MAP3K2: variants seen among roughly 807,000 people sequenced by gnomAD.
MAP3K2 encodes mitogen-activated protein kinase kinase kinase 2, also known as MAP/ERK kinase kinase 2.
A neutral mutation model predicts 80.3 loss-of-function variants in MAP3K2; 24 were observed. The ratio of observed to expected loss-of-function variants is 0.30; its 90% CI spans 0.22 to 0.42. MAP3K2 has a LOEUF of 0.42. Ranked by LOEUF, MAP3K2 falls within the 10% of genes least tolerant of loss-of-function variation. The pLI, the probability that MAP3K2 is intolerant of heterozygous loss-of-function variation, is 1.00. For synonymous variants in MAP3K2, 244 were observed against 253.7 expected (o/e 0.96, Z 0.36); for missense variants, 608 against 750.1 (o/e 0.81, Z 2.21).
intron 1 of MAP3K2, among the ~76,000 whole-genome samples, chr2:127,373,042 G>C (rs1383399291): frequency 6.6e-6 from 1 of 152,140 alleles, no homozygotes; most frequent in Non-Finnish European, 1.5e-5. Flanking sequence ...TAGCAGAAGA[G>C]GACAGAGAAG....
At chr2:127,369,557 A>G (rs779418961) in intron 1 of MAP3K2, among the ~76,000 whole-genome samples, 2 of 151,818 alleles carry the variant, frequency 1.3e-5, no homozygotes, top group African/African-American at 2.4e-5. Context: ...CCAAAGACTA[A>G]TAAGAAATAG....
chr2:127,349,166 CT>C (rs111941552), intron 1 of MAP3K2, among the ~76,000 whole-genome samples: 36,463 of 147,322 alleles, frequency 0.25, 4,585 homozygotes, highest in Middle Eastern at 0.31. Flanking sequence ...TCTTTTCTTT[CT>C]TTTTTTTTTT....
chr2:127,387,592 G>C lies in MAP3K2; in HGVS notation c.-206C>G. On this transcript the variant is annotated 5_prime_UTR_variant, in exon 1 of 17. Coordinates refer to ENST00000682094, the MANE Select transcript of MAP3K2 (RefSeq NM_001371910.2). The stretch of plus-strand genomic sequence containing the variant: ...CAGGGCCCCCGGGGACCGGAGGGGC[G>C]CGCGAGGAGTCGGGCGCGGGCCTTG... 1.0e-6 allele frequency: 1 copy of C among 985,006 alleles called. No homozygotes were observed. The highest frequency in any genetic ancestry group is 1.1e-4 in the East Asian group (1 of 8,764). 61.0% of individuals were successfully genotyped at this position (985,006 alleles called of 1,614,324 possible).
chr2:127,388,033 C>G (rs1687408625), upstream of MAP3K2: 1 of 983,448 alleles, frequency 1.0e-6, no homozygotes, highest in African/African-American at 1.8e-5. Flanking sequence ...CACCCCTCCG[C>G]CCGGCGGTAG....
chr2:127,373,994 G>A (rs1574007581), intron 1 of MAP3K2, among the ~76,000 whole-genome samples: 2 of 152,082 alleles, frequency 1.3e-5, no homozygotes, highest in East Asian at 3.9e-4. Flanking sequence ...CTGTTGTTTT[G>A]CCTACTAAAA....
intron 1 of MAP3K2, among the ~76,000 whole-genome samples, chr2:127,383,196 C>T (rs1687279778): frequency 6.6e-6 from 1 of 152,190 alleles, no homozygotes; most frequent in Non-Finnish European, 1.5e-5. Context: ...CCAGTCACCT[C>T]CCACCAGGCC....
chr2:127,312,792 G>A (rs576425270), intron 15 of MAP3K2, among the ~76,000 whole-genome samples: 6 of 152,076 alleles, frequency 3.9e-5, no homozygotes, highest in Non-Finnish European at 5.9e-5. Flanking sequence ...GAGAAACCCC[G>A]TCTCTACTAA....
Position 127,387,945 on chromosome 2 carries a change from G to C in MAP3K2, c.-559C>G, listed in dbSNP as rs1012922488. The C allele has an allele frequency of 3.0e-6, 3 of 984,578 alleles. No individual in the cohort carries two copies. In the African/African-American group the frequency reaches 5.3e-5, roughly 17 times the overall value. The allele number at this position is 984,578 out of a possible 1,614,324, so 61.0% of individuals were successfully genotyped here. ...CAGGCGCCGCCGCTGAGGGCAGGCAGCCCGGCAGCCACTACACACGGACCC... is the reference window on the plus strand; with the variant it reads ...CAGGCGCCGCCGCTGAGGGCAGGCACCCCGGCAGCCACTACACACGGACCC... On this transcript the variant is annotated 5_prime_UTR_variant, in exon 1 of 17. Coordinates refer to ENST00000682094, the MANE Select transcript of MAP3K2 (RefSeq NM_001371910.2).
chr2:127,372,594 T>TTATA (rs1259079188), intron 1 of MAP3K2, among the ~76,000 whole-genome samples: 7 of 152,098 alleles, frequency 4.6e-5, no homozygotes, highest in African/African-American at 1.7e-4. Flanking sequence ...AGAAAGGCAG[T>TTATA]TATACAACCT....
At chr2:127,352,140 G>A (rs145368541) in intron 1 of MAP3K2, among the ~76,000 whole-genome samples, 1,758 of 152,082 alleles carry the variant, frequency 0.012, 43 homozygotes, top group African/African-American at 0.04. Flanking sequence ...GCCTCCTAAA[G>A]TGCTGCGATT....
chr2:127,371,262 C>A (rs1687059576), intron 1 of MAP3K2, among the ~76,000 whole-genome samples: 1 of 152,124 alleles, frequency 6.6e-6, no homozygotes, highest in African/African-American at 2.4e-5. Context: ...GAACAACAAG[C>A]CAACCAGAAC....
At chr2:127,347,507 G>C (rs1686617248) in intron 1 of MAP3K2, among the ~76,000 whole-genome samples, 2 of 151,138 alleles carry the variant, frequency 1.3e-5, no homozygotes, top group South Asian at 4.2e-4. Context: ...AAAAAATAAA[G>C]TACTTAGGAA....
At chr2:127,329,644 C>T (rs965674884) in intron 7 of MAP3K2, among the ~76,000 whole-genome samples, 8 of 152,142 alleles carry the variant, frequency 5.3e-5, no homozygotes, top group South Asian at 2.1e-4. Flanking sequence ...CATGAGCTAC[C>T]GCGCCCAGCC....
chr2:127,337,776 A>C lies in MAP3K2; in HGVS notation c.126T>G (p.Asn42Lys), dbSNP rs1480245094. ...TATGTTCAAATTTGACTCGGACATC[A>C]TTCTGTAATGAAATGACAAATCAGT... ...KAKSSSPKKQNDVRVKFEHRG... is the reference protein window; with the variant it reads ...KAKSSSPKKQKDVRVKFEHRG... Residue 42 changes from asparagine to lysine, a missense_variant and splice_region_variant, in exon 4 of 17, where the codon AAT (asparagine) becomes AAG (lysine). Asn to Lys is a moderately conservative substitution (Grantham distance 94, BLOSUM62 0). Around this residue, in one of 4 missense-constraint regions of MAP3K2, gnomAD observed 467 missense variants for 521.9 expected, o/e 0.89. Coordinates refer to ENST00000682094, the MANE Select transcript of MAP3K2 (RefSeq NM_001371910.2). 2 of 1,524,054 alleles carry C rather than the reference A, an allele frequency of 1.3e-6. No individual in the cohort carries two copies. The highest frequency in any genetic ancestry group is 1.8e-6 in the Non-Finnish European group (2 of 1,123,734). 94.4% of individuals were successfully genotyped at this position (1,524,054 alleles called of 1,614,324 possible). A position where few individuals can be genotyped will look rare whatever the true frequency, so the allele number is the denominator to read the frequency against.
At chr2:127,365,550 T>C (rs1042524369) in intron 1 of MAP3K2, among the ~76,000 whole-genome samples, 10 of 152,200 alleles carry the variant, frequency 6.6e-5, no homozygotes, top group African/African-American at 2.4e-4. Context: ...TCTCCTCTGC[T>C]CTGTATACAG....
At chr2:127,324,400 A>G (rs1048070347) in intron 9 of MAP3K2, among the ~76,000 whole-genome samples, 159 bp from the exon 10 acceptor site, 3 of 152,218 alleles carry the variant, frequency 2.0e-5, no homozygotes, top group Non-Finnish European at 4.4e-5. Context: ...GAAAAACTAC[A>G]CTTACTTGGT....
Position 127,322,148 on chromosome 2 carries a change from T to C in MAP3K2, c.943A>G (p.Ser315Gly). Reference sequence around the variant, plus strand: ...TCATCATACTCTGGGGTAAAGATACTGCTTCCACTACTAGTGCTTAAGGAA... The same window carrying C: ...TCATCATACTCTGGGGTAAAGATACCGCTTCCACTACTAGTGCTTAAGGAA... ...DHSLSTSSGS[S>G]IFTPEYDDSR... The change falls in exon 12 of 17, where the codon AGT (serine) becomes GGT (glycine). Residue 315 changes from serine (S) to glycine (G), a missense_variant. Physicochemically the swap from Ser to Gly is moderately conservative, Grantham distance 56. Around this residue, in one of 4 missense-constraint regions of MAP3K2, gnomAD observed 467 missense variants for 521.9 expected, o/e 0.89. Transcript: ENST00000682094. This position sits in a 1 kb window ranked among gnomAD's most constrained non-coding sequence, Gnocchi z 4.2. 1 of 1,613,836 alleles carries C rather than the reference T, an allele frequency of 6.2e-7. No homozygotes were observed. Among genetic ancestry groups the C allele is most frequent in the Non-Finnish European group, 8.5e-7 (1 of 1,179,758 alleles).
In MAP3K2 at chr2:127,304,585, A is replaced by C. The variant is rs1479694003; in HGVS notation, c.*2994T>G. On this transcript the variant is annotated 3_prime_UTR_variant, in exon 17 of 17. Transcript: ENST00000682094. ...TGACCATTTTCCAGCGTCAGCAAAG[A>C]AGCATTACAGTATAGAAGAATCAAT... 6.6e-6 allele frequency: 1 copy of C among 152,594 alleles called. No individual in the cohort carries two copies. The highest frequency in any genetic ancestry group is 1.5e-5 in the Non-Finnish European group (1 of 68,014). The allele number at this position is 152,594 out of a possible 1,614,324, so 9.5% of individuals were successfully genotyped here.
At position 127,349,112 on chromosome 2, in the gene MAP3K2, A is replaced by T. The variant is rs145966123; in HGVS notation, c.-65-5918T>A. ...GGAATTATCAAAGAAAAAATGTAAA[A>T]ATTATTAACACAGAATATAACATAA... On this transcript the variant is annotated intron_variant, in intron 1 of 16. Transcript: ENST00000682094. Among the ~76,000 whole-genome samples the T allele has an allele frequency of 7.0e-3, 1,073 of 152,242 alleles. 9 individuals are homozygous for T. Among genetic ancestry groups the T allele is most frequent in the Non-Finnish European group, 0.012 (821 of 68,018 alleles).
Sources: gnomAD v4.1 joint callset for allele counts (sites outside exome capture counted in the v4.1 genomes callset) on GRCh38, gnomAD v4.1.1 for gene constraint, gnomAD v4.1.1 regional missense constraint, Gnocchi (gnomAD v3.1) non-coding constraint, MANE v1.5 for transcripts, NCBI Gene and HGNC (gene_info 2026-07-23, HGNC 2026-07-21) for gene names.